Variants in PRKN observed in about 807,000 individuals in gnomAD.
PRKN encodes E3 ubiquitin-protein ligase parkin.
Under a neutral mutation model 59.5 loss-of-function variants are expected in PRKN, and 56 were observed. The ratio of observed to expected loss-of-function variants is 0.94; its 90% CI spans 0.76 to 1.18. The LOEUF is 1.18. Ranked by LOEUF, PRKN falls within the 50% of genes most tolerant of loss-of-function variation. The pLI, the probability that PRKN is intolerant of heterozygous loss-of-function variation, is 0.00. For synonymous variants in PRKN, 250 were observed against 222.1 expected (o/e 1.13, Z -1.12); for missense variants, 657 against 596.4 (o/e 1.10, Z -1.06).
chr6:161,974,644 A>C (rs1404565989), intron 5 of PRKN, among the ~76,000 whole-genome samples: 1 of 152,006 alleles, frequency 6.6e-6, no homozygotes. Context: ...TGATACTAAC[A>C]TCTGTGAAGC....
In PRKN at chr6:161,584,183, C is replaced by T. The variant is rs1781443672; in HGVS notation, c.872-14767G>A. 1.3e-5 allele frequency among the ~76,000 whole-genome samples: 2 copies of T among 152,190 alleles called. No homozygotes were observed. The highest frequency in any genetic ancestry group is 4.8e-5 in the African/African-American group (2 of 41,438). On this transcript the variant is annotated intron_variant, in intron 7 of 11. Coordinates refer to ENST00000366898, the MANE Select transcript of PRKN (RefSeq NM_004562.3). This position sits in a 1 kb window ranked among gnomAD's most constrained non-coding sequence, Gnocchi z 4.8. The stretch of plus-strand genomic sequence containing the variant: ...AGAAATGAGAACCGTTTTTGCATTT[C>T]ACCTTAATCAGATCAAATTAGGACA...
chr6:161,544,257 A>G lies in PRKN; in HGVS notation c.1083+4597T>C, dbSNP rs964675494. 6.6e-6 allele frequency among the ~76,000 whole-genome samples: 1 copy of G among 152,162 alleles called. No individual in the cohort carries two copies. The highest frequency in any genetic ancestry group is 1.5e-5 in the Non-Finnish European group (1 of 68,022). ...ATTCTGCAGTACTTTCAGGTTTCTAATGGACTTTTTGTGGATCCCTGAACA... is the reference window on the plus strand; with the variant it reads ...ATTCTGCAGTACTTTCAGGTTTCTAGTGGACTTTTTGTGGATCCCTGAACA... On this transcript the variant is annotated intron_variant, in intron 9 of 11. Coordinates refer to ENST00000366898, the MANE Select transcript of PRKN (RefSeq NM_004562.3). This position sits in a 1 kb window ranked among gnomAD's most constrained non-coding sequence, Gnocchi z 5.5.
At position 161,584,119 on chromosome 6, in the gene PRKN, T is replaced by C. The variant is rs1347042102; in HGVS notation, c.872-14703A>G. 6.6e-6 allele frequency among the ~76,000 whole-genome samples: 1 copy of C among 152,180 alleles called. No homozygotes were observed. Among genetic ancestry groups the C allele is most frequent in the East Asian group, 1.9e-4 (1 of 5,194 alleles). On this transcript the variant is annotated intron_variant, in intron 7 of 11. Coordinates refer to ENST00000366898, the MANE Select transcript of PRKN (RefSeq NM_004562.3). This position sits in a 1 kb window ranked among gnomAD's most constrained non-coding sequence, Gnocchi z 4.8. ...GGTTGTATGTGTATTCATCTCTTCT[T>C]CCTTCCTGAGATGAAGCTTGGCATC... is the stretch of plus-strand genomic sequence containing the variant.
At chr6:162,704,069 C>T (rs1225864648) in intron 1 of PRKN, among the ~76,000 whole-genome samples, 1 of 152,108 alleles carries the variant, frequency 6.6e-6, no homozygotes, top group Non-Finnish European at 1.5e-5. Flanking sequence ...CTTAGACAAA[C>T]ATTCTTGACC....
chr6:161,669,063 G>A (rs1219358446), intron 7 of PRKN, among the ~76,000 whole-genome samples: 1 of 152,184 alleles, frequency 6.6e-6, no homozygotes, highest in Non-Finnish European at 1.5e-5. Context: ...CCTCATCAAT[G>A]GGATTAGTGC....
chr6:161,899,107 C>T (rs953962730), intron 6 of PRKN, among the ~76,000 whole-genome samples: 13 of 152,216 alleles, frequency 8.5e-5, no homozygotes, highest in Admixed American at 6.5e-5. Flanking sequence ...TCCTCCACCC[C>T]GCAGCTATGT....
At chr6:161,906,553 T>C (rs921486894) in intron 6 of PRKN, among the ~76,000 whole-genome samples, 5 of 151,916 alleles carry the variant, frequency 3.3e-5, no homozygotes, top group Non-Finnish European at 7.4e-5. Context: ...TAGCTTCTTT[T>C]GCTATTAATT....
intron 9 of PRKN, among the ~76,000 whole-genome samples, chr6:161,485,694 G>C (rs1227238370): frequency 6.6e-6 from 1 of 152,014 alleles, no homozygotes; most frequent in Non-Finnish European, 1.5e-5. Flanking sequence ...TCACTTGAGA[G>C]AATGAAGAAA....
intron 1 of PRKN, among the ~76,000 whole-genome samples, chr6:162,509,482 C>T (rs940830321): frequency 1.3e-5 from 2 of 152,156 alleles, no homozygotes; most frequent in African/African-American, 4.8e-5. Flanking sequence ...CTAAATTTAG[C>T]TGATCTTAAA....
At chr6:162,342,870 T>C (rs1784244849) in intron 2 of PRKN, among the ~76,000 whole-genome samples, 1 of 152,160 alleles carries the variant, frequency 6.6e-6, no homozygotes, top group South Asian at 2.1e-4. Flanking sequence ...AATCTTTGCT[T>C]AGTTTTATTT....
At position 161,471,342 on chromosome 6, in the gene PRKN, G is replaced by A. The variant is rs1434385769; in HGVS notation, c.1083+77512C>T. Among the ~76,000 whole-genome samples, 1 of 152,122 alleles carries A rather than the reference G, an allele frequency of 6.6e-6. No homozygotes were observed. The highest frequency in any genetic ancestry group is 1.9e-4 in the East Asian group (1 of 5,194). On this transcript the variant is annotated intron_variant, in intron 9 of 11. Transcript: ENST00000366898. This position sits in a 1 kb window ranked among gnomAD's most constrained non-coding sequence, Gnocchi z 4.5. ...ATTTCACTTACAGATATACACCTAC[G>A]TAAGCAGCTTTATAATAAGAAAATA... is the stretch of plus-strand genomic sequence containing the variant.
intron 7 of PRKN, among the ~76,000 whole-genome samples, chr6:161,782,775 T>C (rs1022716806): frequency 1.3e-5 from 2 of 152,052 alleles, no homozygotes; most frequent in Non-Finnish European, 1.5e-5. Flanking sequence ...GCACCTGTAG[T>C]CCCAGCTACT....
intron 4 of PRKN, among the ~76,000 whole-genome samples, chr6:162,129,978 C>A (rs1233917794): frequency 6.6e-6 from 1 of 152,262 alleles, no homozygotes; most frequent in East Asian, 1.9e-4. Flanking sequence ...GCCTTACAGT[C>A]TCAGAGGCTT....
intron 7 of PRKN, among the ~76,000 whole-genome samples, chr6:161,757,869 C>CTGTG (rs1289998570): frequency 2.8e-5 from 3 of 105,922 alleles, no homozygotes; most frequent in South Asian, 6.4e-4. Flanking sequence ...CTCTCTCTCT[C>CTGTG]TCTGTGTATA....
At chr6:162,679,157 T>C (rs958118195) in intron 1 of PRKN, among the ~76,000 whole-genome samples, 12 of 151,716 alleles carry the variant, frequency 7.9e-5, no homozygotes, top group African/African-American at 2.9e-4. Flanking sequence ...TGGAGTGCAA[T>C]GGTGCAATCT....
chr6:162,300,274 A>C (rs887292782), intron 2 of PRKN, among the ~76,000 whole-genome samples: 1 of 152,160 alleles, frequency 6.6e-6, no homozygotes, highest in Non-Finnish European at 1.5e-5. Context: ...TTAAAAAAAA[A>C]AACACATTCT....
At chr6:162,167,195 G>T (rs1032156638) in intron 4 of PRKN, among the ~76,000 whole-genome samples, 2 of 152,158 alleles carry the variant, frequency 1.3e-5, no homozygotes, top group Non-Finnish European at 2.9e-5. Flanking sequence ...TTAAATAATT[G>T]AATATATAAA....
chr6:161,947,114 A>G (rs140656722), intron 6 of PRKN, among the ~76,000 whole-genome samples: 256 of 152,020 alleles, frequency 1.7e-3, no homozygotes, highest in African/African-American at 6.0e-3. Context: ...AGATGTATGT[A>G]TAAATGTTTA....
At chr6:161,878,760 T>C (rs1794824647) in intron 6 of PRKN, among the ~76,000 whole-genome samples, 1 of 152,198 alleles carries the variant, frequency 6.6e-6, no homozygotes, top group Admixed American at 6.5e-5. Context: ...TTGTCCATCT[T>C]ACTACTGATG....
Sources: gnomAD v4.1 joint callset for allele counts (sites outside exome capture counted in the v4.1 genomes callset) on GRCh38, gnomAD v4.1.1 for gene constraint, Gnocchi (gnomAD v3.1) non-coding constraint, MANE v1.5 for transcripts, NCBI Gene and HGNC (gene_info 2026-07-23, HGNC 2026-07-21) for gene names.